The following AGBL4 variants were observed in gnomAD, a reference collection of about 807,000 sequenced individuals.
AGBL4 encodes the protein cytosolic carboxypeptidase 6.
AGBL4 carries 58 observed loss-of-function variants against 66.4 expected under a neutral mutation model. That is an observed-to-expected ratio of 0.87 (90% CI 0.71 to 1.09). The LOEUF (loss-of-function observed/expected upper bound fraction) is 1.09, where lower values mean the gene tolerates loss of function less well. AGBL4 is among the 50% of genes least tolerant of loss of function. The pLI is 0.00. For synonymous variants in AGBL4, 234 were observed against 222.9 expected, an observed-to-expected ratio of 1.05 and a Z score of -0.44; for missense variants, 579 against 631.0, an observed-to-expected ratio of 0.92 and a Z score of 0.88.
intron 3 of AGBL4, among the ~76,000 whole-genome samples, chr1:49,250,346 T>C (rs1651949461): frequency 6.6e-6 from 1 of 151,946 alleles, no homozygotes; most frequent in Non-Finnish European, 1.5e-5. Flanking sequence ...AACAGATCTT[T>C]AGAGGCAAGG....
At chr1:49,201,347 A>G (rs998818432) in intron 4 of AGBL4, among the ~76,000 whole-genome samples, 4 of 152,190 alleles carry the variant, frequency 2.6e-5, no homozygotes, top group African/African-American at 9.6e-5. Context: ...TATTAGTCTA[A>G]TTTAAAAATA....
chr1:49,708,900 G>A (rs927059433), intron 2 of AGBL4, among the ~76,000 whole-genome samples: 1 of 152,268 alleles, frequency 6.6e-6, no homozygotes, highest in African/African-American at 2.4e-5. Context: ...GAACAGCAAA[G>A]ATTGCTGCCT....
At chr1:49,609,605 T>A (rs1645118483) in intron 3 of AGBL4, among the ~76,000 whole-genome samples, 1 of 152,188 alleles carries the variant, frequency 6.6e-6, no homozygotes, top group Non-Finnish European at 1.5e-5. Context: ...GTAATTTTTT[T>A]AACTTTTATT....
intron 3 of AGBL4, among the ~76,000 whole-genome samples, chr1:49,563,482 C>T (rs975821876): frequency 1.5e-4 from 23 of 152,098 alleles, no homozygotes; most frequent in Admixed American, 1.4e-3. Flanking sequence ...AGATACGTCC[C>T]ATCAGTACCT....
intron 3 of AGBL4, among the ~76,000 whole-genome samples, chr1:49,424,217 G>C (rs1645609277): frequency 6.6e-6 from 1 of 152,156 alleles, no homozygotes; most frequent in Non-Finnish European, 1.5e-5. Flanking sequence ...AACAATATTA[G>C]ATAGAGTCTG....
At chr1:50,020,501 C>T (rs1662364380) in intron 1 of AGBL4, among the ~76,000 whole-genome samples, 1 of 152,128 alleles carries the variant, frequency 6.6e-6, no homozygotes, top group African/African-American at 2.4e-5. Context: ...ACACAAGGAT[C>T]TGAGCCCATT....
At chr1:48,815,479 T>C (rs1646151237) in intron 6 of AGBL4, among the ~76,000 whole-genome samples, 1 of 152,142 alleles carries the variant, frequency 6.6e-6, no homozygotes, top group African/African-American at 2.4e-5. Context: ...GAACTAATTT[T>C]GAATCTGTGC....
intron 1 of AGBL4, among the ~76,000 whole-genome samples, chr1:49,925,261 G>A (rs1652650100): frequency 6.6e-6 from 1 of 152,142 alleles, no homozygotes; most frequent in African/African-American, 2.4e-5. Flanking sequence ...ACTAGCTCCT[G>A]GATGACATTT....
At chr1:48,648,203 A>G (rs319951) in intron 8 of AGBL4, among the ~76,000 whole-genome samples, 76,182 of 151,994 alleles carry the variant, frequency 0.5, 20,294 homozygotes, top group Middle Eastern at 0.66. Flanking sequence ...TGCCCATTAA[A>G]TAGTAACTCC....
At chr1:49,735,107 T>C (rs1649757975) in intron 2 of AGBL4, among the ~76,000 whole-genome samples, 1 of 151,992 alleles carries the variant, frequency 6.6e-6, no homozygotes, top group Non-Finnish European at 1.5e-5. Flanking sequence ...TTGTAGTAGG[T>C]AGAATAATCA....
chr1:48,673,617 G>C (rs1404887830), intron 6 of AGBL4, among the ~76,000 whole-genome samples: 1 of 152,108 alleles, frequency 6.6e-6, no homozygotes, highest in African/African-American at 2.4e-5. Flanking sequence ...CATCTTCAGA[G>C]GAGCCAGAGA....
intron 8 of AGBL4, among the ~76,000 whole-genome samples, chr1:48,642,974 G>A (rs949521437): frequency 6.6e-6 from 1 of 152,140 alleles, no homozygotes; most frequent in African/African-American, 2.4e-5. Context: ...CTTTGTGGCT[G>A]AACCTCTCTG....
Position 49,492,828 on chromosome 1 carries a change from A to G in AGBL4, c.282+204485T>C, listed in dbSNP as rs749197490. 6.6e-5 allele frequency among the ~76,000 whole-genome samples: 10 copies of G among 152,132 alleles called. 1 individual carries two copies. The highest frequency in any genetic ancestry group is 1.3e-4 in the Admixed American group (2 of 15,262). ...GCAGATAACCTTTACTGAGCACTGT[A>G]TTAGTCTGTTCTCATGCTGCTAATA... On this transcript the variant is annotated intron_variant, in intron 3 of 13. Coordinates refer to ENST00000371839, the MANE Select transcript of AGBL4 (RefSeq NM_032785.4).
At chr1:48,840,741 C>T (rs1570798154) in intron 6 of AGBL4, among the ~76,000 whole-genome samples, 2 of 152,198 alleles carry the variant, frequency 1.3e-5, no homozygotes, top group East Asian at 3.8e-4. Context: ...ACCCAGCAAT[C>T]TCACTGCTAG....
At chr1:49,861,255 T>C (rs1432119398) in intron 1 of AGBL4, among the ~76,000 whole-genome samples, 1 of 152,050 alleles carries the variant, frequency 6.6e-6, no homozygotes, top group African/African-American at 2.4e-5. Flanking sequence ...CCAGAGACAT[T>C]GGACTGGAAG....
intron 4 of AGBL4, among the ~76,000 whole-genome samples, chr1:49,235,323 C>T (rs1302963524): frequency 6.6e-6 from 1 of 152,200 alleles, no homozygotes; most frequent in Non-Finnish European, 1.5e-5. Flanking sequence ...TTAAGATTAA[C>T]TAATGGTAGC....
At chr1:49,643,772 A>G (rs972294277) in intron 3 of AGBL4, among the ~76,000 whole-genome samples, 29 of 151,710 alleles carry the variant, frequency 1.9e-4, no homozygotes, top group African/African-American at 7.0e-4. Flanking sequence ...TTTACCTAGT[A>G]TATATGTAAT....
At chr1:48,789,438 G>A (rs538075656) in intron 6 of AGBL4, among the ~76,000 whole-genome samples, 32 of 152,004 alleles carry the variant, frequency 2.1e-4, no homozygotes, top group East Asian at 7.8e-4. Flanking sequence ...ACAGGCGCCC[G>A]CCACCACGCT....
intron 6 of AGBL4, among the ~76,000 whole-genome samples, chr1:48,757,550 C>T (rs1368673726): frequency 6.6e-6 from 1 of 152,100 alleles, no homozygotes; most frequent in Admixed American, 6.5e-5. Context: ...CCTCTGCCTC[C>T]CTAAGTAACT....
Sources: allele counts gnomAD v4.1 joint callset (sites outside exome capture counted in the v4.1 genomes callset), GRCh38; gene constraint gnomAD v4.1.1; transcripts MANE v1.5; gene names NCBI Gene and HGNC (gene_info 2026-07-23, HGNC 2026-07-21).